IL1RAPL2: variants seen among roughly 807,000 people sequenced by gnomAD.
IL1RAPL2 encodes the protein X-linked interleukin-1 receptor accessory protein-like 2.
A neutral mutation model predicts 44.1 loss-of-function variants in IL1RAPL2; 3 were observed. That is an observed-to-expected ratio of 0.07 (90% CI 0.03 to 0.18). The LOEUF (loss-of-function observed/expected upper bound fraction) is 0.18, where lower values mean the gene tolerates loss of function less well. Ranked by LOEUF, IL1RAPL2 falls within the 10% of genes least tolerant of loss-of-function variation. The probability of loss-of-function intolerance (pLI) is 1.00; values close to 1 mark genes in which losing one functional copy is unlikely to be tolerated. For missense variants in IL1RAPL2, 391 were observed against 496.4 expected, an observed-to-expected ratio of 0.79 and a Z score of 2.02; for synonymous variants, 181 against 178.8, an observed-to-expected ratio of 1.01 and a Z score of -0.10.
At chrX:105,502,780 G>A in intron 6 of IL1RAPL2, among the ~76,000 whole-genome samples, 1 of 109,875 alleles carries the variant, frequency 9.1e-6, no homozygotes, top group African/African-American at 3.3e-5. Context: ...GATTTCTGGG[G>A]CTAAGTAATA....
At chrX:105,225,465 A>G in intron 3 of IL1RAPL2, among the ~76,000 whole-genome samples, 1 of 110,978 alleles carries the variant, frequency 9.0e-6, no homozygotes, top group Admixed American at 9.6e-5. Flanking sequence ...TAGCATGATA[A>G]TAGTGGTGAT....
At chrX:105,225,381 T>TA (rs782623555) in intron 3 of IL1RAPL2, among the ~76,000 whole-genome samples, 1 of 112,264 alleles carries the variant, frequency 8.9e-6, no homozygotes, top group Admixed American at 9.5e-5. Flanking sequence ...GCTACTTTTT[T>TA]AAAAAACAAT....
At chrX:105,680,439 A>G (rs2037914619) in intron 6 of IL1RAPL2, among the ~76,000 whole-genome samples, 1 of 112,228 alleles carries the variant, frequency 8.9e-6, no homozygotes, top group African/African-American at 3.2e-5. Context: ...CTTTGTAAGC[A>G]TTGGCTTTAT....
chrX:104,846,629 C>G (rs1469614089), intron 2 of IL1RAPL2, among the ~76,000 whole-genome samples: 1 of 111,881 alleles, frequency 8.9e-6, no homozygotes, highest in African/African-American at 3.3e-5. Context: ...CAAGTCTTTG[C>G]TATTGTGAAT....
At chrX:104,953,998 A>G (rs1283747791) in intron 2 of IL1RAPL2, among the ~76,000 whole-genome samples, 5 of 111,966 alleles carry the variant, frequency 4.5e-5, no homozygotes, top group Non-Finnish European at 5.6e-5. Flanking sequence ...ATTAGGCTAT[A>G]GAAATCAAAA....
intron 5 of IL1RAPL2, among the ~76,000 whole-genome samples, chrX:105,447,116 T>A (rs2035964468): frequency 1.6e-5 from 1 of 63,311 alleles, no homozygotes; most frequent in African/African-American, 6.1e-5. Context: ...TAAAAATATA[T>A]ATAAATATAA....
At chrX:105,301,721 TG>T (rs1173495645) in intron 5 of IL1RAPL2, among the ~76,000 whole-genome samples, 1 of 112,380 alleles carries the variant, frequency 8.9e-6, no homozygotes, top group African/African-American at 3.2e-5. Flanking sequence ...TTTTTATGGC[TG>T]AATAGTACTC....
At chrX:105,412,145 C>T (rs1602400393) in intron 5 of IL1RAPL2, among the ~76,000 whole-genome samples, 1 of 110,358 alleles carries the variant, frequency 9.1e-6, no homozygotes, top group South Asian at 3.8e-4. Flanking sequence ...ACCTGTGGGA[C>T]ACAACAAAAG....
intron 2 of IL1RAPL2, among the ~76,000 whole-genome samples, chrX:105,088,195 T>C (rs2032501426): frequency 8.9e-6 from 1 of 111,933 alleles, no homozygotes; most frequent in Non-Finnish European, 1.9e-5. Context: ...GAGTCCAAGC[T>C]GAACTGCTGA....
chrX:105,164,139 C>G lies in IL1RAPL2; in HGVS notation c.83-31336C>G, dbSNP rs190044716. Among the ~76,000 whole-genome samples the G allele has an allele frequency of 5.8e-3, 640 of 110,237 alleles. 7 individuals carry two copies. The highest frequency in any genetic ancestry group is 0.02 in the African/African-American group (611 of 30,360). On this transcript the variant is annotated intron_variant, in intron 2 of 10. Coordinates refer to ENST00000372582, the MANE Select transcript of IL1RAPL2 (RefSeq NM_017416.2). ...AAATCTTGTATTATCTTGGAATTCA[C>G]TGATTCTGAGCTGACAGCAGATTGC...
At chrX:105,177,409 A>C (rs2033485370) in intron 2 of IL1RAPL2, among the ~76,000 whole-genome samples, 1 of 110,997 alleles carries the variant, frequency 9.0e-6, no homozygotes, top group Admixed American at 9.7e-5. Flanking sequence ...ATTTTATTAT[A>C]TATTACAATG....
In IL1RAPL2 at chrX:104,782,934, A is replaced by G. The variant is rs775479324; in HGVS notation, c.82+123939A>G. 5.1e-4 allele frequency among the ~76,000 whole-genome samples: 57 copies of G among 112,133 alleles called. 1 individual carries two copies. Among genetic ancestry groups the G allele is most frequent in the Non-Finnish European group, 5.3e-4 (28 of 53,244 alleles). ...TACAGAAGAGAGTTCTTGACCTCACAGGAGAATATGCGGTAAAGAGTGTTC... is the reference window on the plus strand; with the variant it reads ...TACAGAAGAGAGTTCTTGACCTCACGGGAGAATATGCGGTAAAGAGTGTTC... On this transcript the variant is annotated intron_variant, in intron 2 of 10. Transcript: ENST00000372582.
intron 2 of IL1RAPL2, among the ~76,000 whole-genome samples, chrX:104,816,380 A>G (rs1227720913): frequency 2.7e-5 from 3 of 112,122 alleles, no homozygotes; most frequent in Non-Finnish European, 5.6e-5. Flanking sequence ...CCCTACTGAT[A>G]GTGAGTCAAT....
At chrX:104,746,601 A>G (rs759200523) in intron 2 of IL1RAPL2, among the ~76,000 whole-genome samples, 13 of 111,877 alleles carry the variant, frequency 1.2e-4, no homozygotes, top group Non-Finnish European at 2.3e-4. Context: ...TACAATTTGT[A>G]GTTGTATGGG....
intron 3 of IL1RAPL2, among the ~76,000 whole-genome samples, chrX:105,197,471 T>C (rs1488243453): frequency 8.9e-6 from 1 of 111,881 alleles, no homozygotes; most frequent in African/African-American, 3.3e-5. Flanking sequence ...TTACAATGAA[T>C]TATTAAACAA....
chrX:104,803,287 T>C (rs1391678169), intron 2 of IL1RAPL2, among the ~76,000 whole-genome samples: 1 of 112,033 alleles, frequency 8.9e-6, no homozygotes, highest in Non-Finnish European at 1.9e-5. Flanking sequence ...CAAATATTTC[T>C]TGTGTAGGTG....
intron 5 of IL1RAPL2, among the ~76,000 whole-genome samples, chrX:105,298,961 A>G (rs1256657544): frequency 1.8e-5 from 2 of 111,201 alleles, no homozygotes; most frequent in African/African-American, 6.6e-5. Context: ...TTGATGTGGT[A>G]GAAAAAATAG....
intron 6 of IL1RAPL2, among the ~76,000 whole-genome samples, chrX:105,577,012 T>A (rs958513691): frequency 9.0e-6 from 1 of 111,481 alleles, no homozygotes; most frequent in Non-Finnish European, 1.9e-5. Context: ...TATTCCCAAA[T>A]GTCAAGTGTT....
intron 2 of IL1RAPL2, among the ~76,000 whole-genome samples, chrX:105,085,987 C>T (rs1379891254): frequency 6.3e-5 from 7 of 110,920 alleles, no homozygotes; most frequent in Non-Finnish European, 1.1e-4. Context: ...TTAAGTAGGC[C>T]GAGGAGAAGG....
Sources: allele counts gnomAD v4.1 joint callset (sites outside exome capture counted in the v4.1 genomes callset), GRCh38; gene constraint gnomAD v4.1.1; transcripts MANE v1.5; gene names NCBI Gene and HGNC (gene_info 2026-07-23, HGNC 2026-07-21).